PDE8B: variants seen among roughly 807,000 people sequenced by gnomAD.
PDE8B encodes phosphodiesterase 8B, also known as high affinity cAMP-specific and IBMX-insensitive 3',5'-cyclic phosphodiesterase 8B.
Under a neutral mutation model 101.3 loss-of-function variants are expected in PDE8B, and 26 were observed. That is an observed-to-expected ratio of 0.26 (90% CI 0.19 to 0.36). PDE8B has a LOEUF of 0.36. PDE8B is among the 10% of genes least tolerant of loss of function. The probability of loss-of-function intolerance (pLI) is 1.00; values close to 1 mark genes in which losing one functional copy is unlikely to be tolerated. For synonymous variants in PDE8B, 424 were observed against 429.3 expected (o/e 0.99, Z 0.15); for missense variants, 810 against 1,163.1 (o/e 0.70, Z 4.42).
At chr5:77,262,651 C>T (rs1029290308) in intron 1 of PDE8B, among the ~76,000 whole-genome samples, 3 of 152,194 alleles carry the variant, frequency 2.0e-5, no homozygotes, top group Non-Finnish European at 4.4e-5. Context: ...GATTATCTTT[C>T]TTGTTGCATA....
At chr5:77,166,995 A>G in the PDE8B span, 1 of 152,258 alleles carries the variant, frequency 6.6e-6, no homozygotes, top group Non-Finnish European at 1.5e-5. Context: ...CCATTCCTGT[A>G]TACCCGGCAC....
chr5:77,164,691 T>A, the PDE8B span, among the ~76,000 whole-genome samples: 1 of 152,286 alleles, frequency 6.6e-6, no homozygotes, highest in South Asian at 2.1e-4. Flanking sequence ...CAGACTTGCA[T>A]TGGAGTTAAC....
chr5:77,227,114 A>G (rs921173680), intron 1 of PDE8B, among the ~76,000 whole-genome samples: 9 of 152,216 alleles, frequency 5.9e-5, no homozygotes, highest in African/African-American at 2.2e-4. Flanking sequence ...ATTGTACCTT[A>G]TTTTGGTATT....
intron 10 of PDE8B, among the ~76,000 whole-genome samples, chr5:77,375,312 C>T (rs1363362259): frequency 1.3e-5 from 2 of 152,180 alleles, no homozygotes; most frequent in African/African-American, 4.8e-5. Context: ...CTTGGAGGCA[C>T]AAGATGAATC....
chr5:77,319,540 T>C (rs1008961653), intron 2 of PDE8B, among the ~76,000 whole-genome samples: 4 of 152,064 alleles, frequency 2.6e-5, no homozygotes, highest in Non-Finnish European at 5.9e-5. Flanking sequence ...ATGCTGTGAG[T>C]GAAATTTGAA....
At chr5:77,412,741 GTT>G (rs11295108) in intron 16 of PDE8B, among the ~76,000 whole-genome samples, 1 of 150,726 alleles carries the variant, frequency 6.6e-6, no homozygotes. Context: ...CATCCAAGCT[GTT>G]TTTTTTTGTC....
intron 1 of PDE8B, among the ~76,000 whole-genome samples, chr5:77,236,161 G>A (rs1485117118): frequency 2.0e-5 from 3 of 152,232 alleles, no homozygotes; most frequent in Admixed American, 6.5e-5. Flanking sequence ...CAGACAGTGG[G>A]AGGTCCCGAG....
chr5:77,156,711 A>G, the PDE8B span, among the ~76,000 whole-genome samples: 3 of 152,228 alleles, frequency 2.0e-5, no homozygotes, highest in Non-Finnish European at 2.9e-5. Context: ...GAGGGTGGCT[A>G]TCACCATAGG....
chr5:77,365,277 C>A (rs544893244), intron 10 of PDE8B, among the ~76,000 whole-genome samples: 2 of 152,270 alleles, frequency 1.3e-5, no homozygotes, highest in South Asian at 4.1e-4. Context: ...TTTCTGAGAG[C>A]GCCCCAGGGG....
the PDE8B span, among the ~76,000 whole-genome samples, chr5:77,102,067 C>CTT: frequency 6.6e-6 from 1 of 152,248 alleles, no homozygotes; most frequent in East Asian, 1.9e-4. Flanking sequence ...AAAGCCTATA[C>CTT]TGTAGAAATT....
intron 10 of PDE8B, among the ~76,000 whole-genome samples, chr5:77,372,401 A>G (rs1482231107): frequency 6.6e-6 from 1 of 152,212 alleles, no homozygotes; most frequent in Non-Finnish European, 1.5e-5. Flanking sequence ...TAATGTCTTC[A>G]TCAGGGTTTG....
intron 16 of PDE8B, among the ~76,000 whole-genome samples, 155 bp downstream of exon 16, chr5:77,412,390 G>T (rs16874241): frequency 0.12 from 18,295 of 152,086 alleles, 1,080 homozygotes; most frequent in South Asian, 0.15. Flanking sequence ...TGAGCAGAGA[G>T]ACTATGGCCC....
intron 2 of PDE8B, among the ~76,000 whole-genome samples, chr5:77,312,983 T>C (rs1773012847): frequency 1.3e-5 from 2 of 152,142 alleles, no homozygotes; most frequent in Non-Finnish European, 2.9e-5. Flanking sequence ...CGTGCCCCCT[T>C]AAGAGAAACA....
At chr5:77,101,187 T>G in the PDE8B span, among the ~76,000 whole-genome samples, 4 of 150,958 alleles carry the variant, frequency 2.6e-5, no homozygotes, top group African/African-American at 9.8e-5. Flanking sequence ...CCCAGGCTGG[T>G]CTTGAACTCC....
Position 77,214,504 on chromosome 5 carries a change from G to A in PDE8B, c.339+3240G>A, listed in dbSNP as rs371730254. 6.6e-5 allele frequency among the ~76,000 whole-genome samples: 10 copies of A among 152,276 alleles called. No homozygotes were observed. In the South Asian group the frequency reaches 2.1e-3, roughly 32 times the overall value. ...TTTGGTAAGCAAAGCCTAATGAGGA[G>A]GATAAATCTCCTGTAAAATGGTGTG... On this transcript the variant is annotated intron_variant, in intron 1 of 21. Coordinates refer to ENST00000264917, the MANE Select transcript of PDE8B (RefSeq NM_003719.5).
At chr5:77,292,850 TC>T (rs371742817) in intron 1 of PDE8B, among the ~76,000 whole-genome samples, 33 of 152,338 alleles carry the variant, frequency 2.2e-4, no homozygotes, top group African/African-American at 6.0e-4. Flanking sequence ...AATATGTTTT[TC>T]TTACTAAAAA....
At chr5:77,300,178 G>A (rs1032428419) in intron 1 of PDE8B, among the ~76,000 whole-genome samples, 1 of 152,204 alleles carries the variant, frequency 6.6e-6, no homozygotes, top group Non-Finnish European at 1.5e-5. Flanking sequence ...GAGTTTTAGA[G>A]CAAGAATACA....
At chr5:77,114,143 C>T in the PDE8B span, 1 of 152,142 alleles carries the variant, frequency 6.6e-6, no homozygotes, top group Non-Finnish European at 1.5e-5. Context: ...CCATTTGACC[C>T]AGCAATTCCA....
intron 1 of PDE8B, among the ~76,000 whole-genome samples, chr5:77,311,668 ATTC>A (rs1352666367): frequency 1.3e-5 from 2 of 152,242 alleles, no homozygotes; most frequent in Non-Finnish European, 2.9e-5. Context: ...ATTGAATTGA[ATTC>A]TTTTCTTCCA....
Sources: allele counts gnomAD v4.1 joint callset (sites outside exome capture counted in the v4.1 genomes callset), GRCh38; gene constraint gnomAD v4.1.1; transcripts MANE v1.5; gene names NCBI Gene and HGNC (gene_info 2026-07-23, HGNC 2026-07-21).